BMPR1B: variants seen among roughly 807,000 people sequenced by gnomAD.
BMPR1B encodes the protein bone morphogenetic protein receptor type-1B.
In BMPR1B, 12 loss-of-function variants were observed where a neutral mutation model predicts 59.1. The ratio of observed to expected loss-of-function variants is 0.20; its 90% CI spans 0.13 to 0.33. The LOEUF (loss-of-function observed/expected upper bound fraction) is 0.33, where lower values mean the gene tolerates loss of function less well. Among genes scored for constraint, BMPR1B ranks in the 10% least tolerant of loss-of-function variants. The probability of loss-of-function intolerance (pLI) is 1.00; values close to 1 mark genes in which losing one functional copy is unlikely to be tolerated. For synonymous variants in BMPR1B, 237 were observed against 207.3 expected (o/e 1.14, Z -1.23); for missense variants, 550 against 610.9 (o/e 0.90, Z 1.05).
intron 1 of BMPR1B, among the ~76,000 whole-genome samples, chr4:94,780,160 T>A (rs1370111655): frequency 6.6e-6 from 1 of 152,194 alleles, no homozygotes; most frequent in Non-Finnish European, 1.5e-5. Flanking sequence ...TAGCTTTTTT[T>A]CATGTCACTT....
intron 1 of BMPR1B, among the ~76,000 whole-genome samples, chr4:94,858,397 T>C (rs969774786): frequency 6.6e-6 from 1 of 152,140 alleles, no homozygotes; most frequent in Non-Finnish European, 1.5e-5. Flanking sequence ...AGAAAATAAA[T>C]TTGGCTATAA....
chr4:94,841,618 GGCTC>G (rs1270588960), intron 1 of BMPR1B, among the ~76,000 whole-genome samples: 2 of 152,060 alleles, frequency 1.3e-5, no homozygotes, highest in Non-Finnish European at 2.9e-5. Context: ...ACCCTGCTTC[GGCTC>G]GCACACGGTG....
intron 2 of BMPR1B, among the ~76,000 whole-genome samples, chr4:94,964,877 G>A (rs939031672): frequency 2.6e-5 from 4 of 152,078 alleles, no homozygotes; most frequent in African/African-American, 7.2e-5. Context: ...ATATTTAAAT[G>A]TTTCAGGTAT....
chr4:94,781,212 G>T (rs191251809), intron 1 of BMPR1B, among the ~76,000 whole-genome samples: 1 of 151,762 alleles, frequency 6.6e-6, no homozygotes, highest in Non-Finnish European at 1.5e-5. Context: ...TGTTCTTTAG[G>T]TTTTCTAAAT....
chr4:95,078,027 T>G (rs919550183), intron 3 of BMPR1B, among the ~76,000 whole-genome samples: 3 of 152,174 alleles, frequency 2.0e-5, no homozygotes, highest in Non-Finnish European at 4.4e-5. Context: ...TGAGTATGCT[T>G]CACATAGTGT....
chr4:95,095,251 T>C (rs944517679), intron 3 of BMPR1B, among the ~76,000 whole-genome samples: 2 of 152,000 alleles, frequency 1.3e-5, no homozygotes, highest in Non-Finnish European at 1.5e-5. Flanking sequence ...TGTCACAAAG[T>C]TATTTTAAAA....
intron 6 of BMPR1B, 85 bp from the exon 7 acceptor site, chr4:95,123,725 G>A: frequency 9.3e-7 from 1 of 1,073,856 alleles, no homozygotes; most frequent in South Asian, 1.3e-5. Flanking sequence ...GTGATACTTA[G>A]CAAGTACCTT....
At chr4:94,882,915 C>T (rs1231699622) in intron 2 of BMPR1B, among the ~76,000 whole-genome samples, 3 of 151,972 alleles carry the variant, frequency 2.0e-5, no homozygotes, top group Non-Finnish European at 4.4e-5. Flanking sequence ...TCAGAACTAG[C>T]CCCAGGCTGA....
At chr4:94,829,332 T>TC (rs1724491467) in intron 1 of BMPR1B, among the ~76,000 whole-genome samples, 1 of 151,308 alleles carries the variant, frequency 6.6e-6, no homozygotes. Context: ...TTTTCCTTTT[T>TC]TTTTTTTTTT....
chr4:94,874,676 A>T (rs188262938), intron 1 of BMPR1B, among the ~76,000 whole-genome samples: 1 of 152,212 alleles, frequency 6.6e-6, no homozygotes. Flanking sequence ...AAGTCAGTTT[A>T]TATATTTACT....
chr4:94,799,084 A>G (rs957639783), intron 1 of BMPR1B, among the ~76,000 whole-genome samples: 11 of 150,914 alleles, frequency 7.3e-5, no homozygotes, highest in African/African-American at 2.2e-4. Context: ...AACCCAGTGA[A>G]GCAAATGAAA....
intron 1 of BMPR1B, among the ~76,000 whole-genome samples, chr4:94,856,420 G>A (rs1012163861): frequency 3.3e-5 from 5 of 152,292 alleles, no homozygotes; most frequent in African/African-American, 1.2e-4. Flanking sequence ...ACCTGGGAGA[G>A]GGGGAGCAGC....
At chr4:94,909,230 C>G (rs1356930361) in intron 2 of BMPR1B, among the ~76,000 whole-genome samples, 1 of 152,002 alleles carries the variant, frequency 6.6e-6, no homozygotes, top group Non-Finnish European at 1.5e-5. Flanking sequence ...ATAATTATGT[C>G]TGGGAATATA....
intron 7 of BMPR1B, 25 bp from the exon 8 acceptor site, chr4:95,124,958 A>G (rs1560672811): frequency 6.2e-7 from 1 of 1,602,492 alleles, no homozygotes. Context: ...ATTATCTAAA[A>G]TTATCTTCAT....
chr4:95,034,395 A>G (rs1179545306), intron 3 of BMPR1B, among the ~76,000 whole-genome samples: 1 of 151,964 alleles, frequency 6.6e-6, no homozygotes, highest in Non-Finnish European at 1.5e-5. Context: ...AGCAGTGTAC[A>G]CTGTACCCGG....
At chr4:94,964,349 C>T (rs1202309310) in intron 2 of BMPR1B, among the ~76,000 whole-genome samples, 2 of 152,056 alleles carry the variant, frequency 1.3e-5, no homozygotes, top group Non-Finnish European at 2.9e-5. Context: ...GCCAAGACTT[C>T]CAGTGCTAGG....
At chr4:95,071,818 G>C (rs1728324617) in intron 3 of BMPR1B, among the ~76,000 whole-genome samples, 1 of 151,562 alleles carries the variant, frequency 6.6e-6, no homozygotes, top group South Asian at 2.1e-4. Flanking sequence ...TAAAATGCCT[G>C]GTTATTTGTA....
At chr4:94,760,227 C>T (rs906042782) in intron 1 of BMPR1B, among the ~76,000 whole-genome samples, 2 of 152,186 alleles carry the variant, frequency 1.3e-5, no homozygotes, top group East Asian at 3.9e-4. Flanking sequence ...AGGTGCTGCC[C>T]AGCATTTAGT....
intron 3 of BMPR1B, among the ~76,000 whole-genome samples, chr4:95,056,041 T>G (rs1726904802): frequency 6.6e-6 from 1 of 152,192 alleles, no homozygotes; most frequent in Non-Finnish European, 1.5e-5. Context: ...CATATCTATT[T>G]TTAGAATTCA....
Sources: gnomAD v4.1 joint callset for allele counts (sites outside exome capture counted in the v4.1 genomes callset) on GRCh38, gnomAD v4.1.1 for gene constraint, MANE v1.5 for transcripts, NCBI Gene and HGNC (gene_info 2026-07-23, HGNC 2026-07-21) for gene names.